CATSPERB: variants seen among roughly 807,000 people sequenced by gnomAD.
The protein encoded by CATSPERB is cation channel sperm-associated auxiliary subunit beta.
CATSPERB carries 93 observed loss-of-function variants against 128.3 expected under a neutral mutation model. The ratio of observed to expected loss-of-function variants is 0.72; its 90% CI spans 0.61 to 0.86. CATSPERB has a LOEUF of 0.86. Ranked by LOEUF, CATSPERB falls within the 40% of genes least tolerant of loss-of-function variation. The probability of loss-of-function intolerance (pLI) is 0.00; values close to 1 mark genes in which losing one functional copy is unlikely to be tolerated. For missense variants in CATSPERB, 1,153 were observed against 1,329.5 expected, an observed-to-expected ratio of 0.87 and a Z score of 2.06; for synonymous variants, 381 against 448.8, an observed-to-expected ratio of 0.85 and a Z score of 1.91.
chr14:91,672,986 A>G lies in CATSPERB; in HGVS notation c.1009T>C (p.Phe337Leu). The G allele has an allele frequency of 6.3e-7, 1 of 1,585,502 alleles. No individual in the cohort carries two copies. Among genetic ancestry groups the G allele is most frequent in the Non-Finnish European group, 8.5e-7 (1 of 1,173,616 alleles). ...SSSCFYSQEPFLEWVPCLPHI... is the reference protein window; with the variant it reads ...SSSCFYSQEPLLEWVPCLPHI... The stretch of plus-strand genomic sequence containing the variant: ...GGTAAGCAGGGTACCCATTCAAGAA[A>G]TGGTTCCTGACTATAAAAACAAGAG... The change falls in exon 13 of 27, where the codon TTT becomes CTT. Residue 337 changes from phenylalanine to leucine, a missense_variant. Coordinates refer to ENST00000256343, the MANE Select transcript of CATSPERB (RefSeq NM_024764.4).
At chr14:91,585,020 T>C (rs148607225) in intron 26 of CATSPERB, among the ~76,000 whole-genome samples, 1 of 150,528 alleles carries the variant, frequency 6.6e-6, no homozygotes, top group East Asian at 1.9e-4. Context: ...TTTATTTTTA[T>C]TTTTTATTTT....
At chr14:91,581,331 A>G (rs867761640) in intron 26 of CATSPERB, among the ~76,000 whole-genome samples, 7 of 152,210 alleles carry the variant, frequency 4.6e-5, no homozygotes, top group Non-Finnish European at 8.8e-5. Flanking sequence ...CTATGCCTTT[A>G]CCCTGTCTTT....
At chr14:91,720,430 T>C (rs1896009458) in intron 4 of CATSPERB, among the ~76,000 whole-genome samples, 1 of 151,362 alleles carries the variant, frequency 6.6e-6, no homozygotes, top group Non-Finnish European at 1.5e-5. Flanking sequence ...ATTATTATAT[T>C]TCTATGTACT....
intron 14 of CATSPERB, among the ~76,000 whole-genome samples, chr14:91,661,548 T>TATATATATATATATATATATATAGATATA (rs1566722229): frequency 6.8e-6 from 1 of 146,880 alleles, no homozygotes; most frequent in African/African-American, 2.5e-5. Flanking sequence ...TATATATATA[T>TATATATATATATATATATATATAGATATA]TTAAGACAGG....
Position 91,669,829 on chromosome 14 carries a change from A to G in CATSPERB, c.1272T>C (p.Tyr424=), listed in dbSNP as rs367749475. Residue 424 remains tyrosine, a synonymous_variant, in exon 14 of 27, where the codon TAT becomes TAC. Coordinates refer to ENST00000256343, the MANE Select transcript of CATSPERB (RefSeq NM_024764.4). ...MVFHPRSHFL[Y]AYGNQIWLSV... is the part of the protein sequence containing the mutation. The stretch of plus-strand genomic sequence containing the variant: ...GTGTACGCACCTGATTGCCATAAGC[A>G]TACAAAAAGTGGCTTCGGGGATGAA... 20 of 1,612,618 alleles carry G rather than the reference A, an allele frequency of 1.2e-5. No homozygotes were observed. Among genetic ancestry groups the G allele is most frequent in the East Asian group, 2.2e-5 (1 of 44,874 alleles).
chr14:91,591,575 GTA>G (rs1402711284), intron 23 of CATSPERB, among the ~76,000 whole-genome samples: 1 of 151,428 alleles, frequency 6.6e-6, no homozygotes, highest in East Asian at 1.9e-4. Flanking sequence ...CCATAACCTG[GTA>G]TATGTTTTAC....
At chr14:91,593,286 T>C (rs146426885) in intron 22 of CATSPERB, among the ~76,000 whole-genome samples, 2,256 of 152,320 alleles carry the variant, frequency 0.015, 36 homozygotes, top group African/African-American at 0.04. Flanking sequence ...AGAGGGCCAC[T>C]GTCCTCCAGA....
chr14:91,604,496 T>C (rs1893664230), intron 22 of CATSPERB: 2 of 1,600,044 alleles, frequency 1.2e-6, no homozygotes, highest in Non-Finnish European at 1.7e-6. Context: ...CTGTATTACA[T>C]TATGGCCTTC....
intron 7 of CATSPERB, among the ~76,000 whole-genome samples, chr14:91,702,824 G>A (rs1482987615): frequency 1.3e-5 from 2 of 151,602 alleles, no homozygotes; most frequent in Non-Finnish European, 2.9e-5. Context: ...AGAACTTCCT[G>A]CTTATAAACA....
intron 5 of CATSPERB, among the ~76,000 whole-genome samples, chr14:91,715,663 G>C (rs1009803372): frequency 2.0e-5 from 3 of 150,772 alleles, no homozygotes; most frequent in Non-Finnish European, 4.4e-5. Context: ...AAGTAAACAA[G>C]TTGATTCTAA....
At chr14:91,612,092 C>T (rs1893845088) in intron 20 of CATSPERB, among the ~76,000 whole-genome samples, 1 of 147,182 alleles carries the variant, frequency 6.8e-6, no homozygotes, top group African/African-American at 2.6e-5. Flanking sequence ...TGAGATCGCG[C>T]TCTGTCACCC....
rs139548621 is a variant in CATSPERB at position 91,619,545 on chromosome 14, C to CTTTT, written c.2261-1813_2261-1810dup. 1.8e-3 allele frequency among the ~76,000 whole-genome samples: 48 copies of CTTTT among 27,198 alleles called. No individual in the cohort carries two copies. In the South Asian group the frequency reaches 0.049, roughly 28 times the overall value. 17.8% of individuals were successfully genotyped at this position (27,198 alleles called of 152,430 possible). ...CTTGGTTCTGTTTTTTCAAATAAGC[C>CTTTT]TTTTTTTTAAAAAAAAAATAGCATT... On this transcript the variant is annotated intron_variant, in intron 19 of 26. Transcript: ENST00000256343.
intron 14 of CATSPERB, among the ~76,000 whole-genome samples, chr14:91,660,686 T>G (rs1014005879): frequency 6.6e-6 from 1 of 152,202 alleles, no homozygotes; most frequent in African/African-American, 2.4e-5. Context: ...AATAACAAGT[T>G]ATACAAGAAA....
intron 22 of CATSPERB, among the ~76,000 whole-genome samples, chr14:91,594,368 C>A (rs1414739741): frequency 6.6e-6 from 1 of 151,868 alleles, no homozygotes. Flanking sequence ...AGGAGATATA[C>A]CTAATGCTAA....
intron 5 of CATSPERB, among the ~76,000 whole-genome samples, chr14:91,711,885 T>C (rs1895845720): frequency 1.3e-5 from 2 of 152,242 alleles, no homozygotes; most frequent in South Asian, 2.1e-4. Flanking sequence ...CTAAACATAA[T>C]GGAATAAGCT....
chr14:91,667,762 G>A (rs577739033), intron 14 of CATSPERB, among the ~76,000 whole-genome samples: 13 of 152,224 alleles, frequency 8.5e-5, no homozygotes, highest in Middle Eastern at 3.4e-3. Flanking sequence ...GATGCTACCT[G>A]GCGTTTACAG....
At chr14:91,694,438 CAAAAAAAA>C (rs547649333) in intron 7 of CATSPERB, among the ~76,000 whole-genome samples, 389 of 65,758 alleles carry the variant, frequency 5.9e-3, no homozygotes, top group African/African-American at 0.021. Flanking sequence ...GACCCTATCT[CAAAAAAAA>C]AAAAAAAAAA....
At position 91,589,688 on chromosome 14, in the gene CATSPERB, G is replaced by C; in HGVS notation, c.2821-19C>G. The C allele has an allele frequency of 1.2e-6, 2 of 1,605,958 alleles. No homozygotes were observed. Among genetic ancestry groups the C allele is most frequent in the Non-Finnish European group, 1.7e-6 (2 of 1,175,300 alleles). ...GAGGAACCTAAAATACAAATTCCAA[G>C]AATGAATGTAAACTTGGGAAAGTCA... On this transcript the variant is annotated intron_variant, in intron 23 of 26. Coordinates refer to ENST00000256343, the MANE Select transcript of CATSPERB (RefSeq NM_024764.4).
intron 5 of CATSPERB, among the ~76,000 whole-genome samples, chr14:91,717,642 T>C (rs1650206203): frequency 6.6e-6 from 1 of 152,244 alleles, no homozygotes; most frequent in Non-Finnish European, 1.5e-5. Flanking sequence ...CTGCTATTTC[T>C]ACTGCCACTA....
Sources: allele counts gnomAD v4.1 joint callset (sites outside exome capture counted in the v4.1 genomes callset), GRCh38; gene constraint gnomAD v4.1.1; transcripts MANE v1.5; gene names NCBI Gene and HGNC (gene_info 2026-07-23, HGNC 2026-07-21).